The following SLC71A2 variants were observed in gnomAD, a reference collection of about 807,000 sequenced individuals.
SLC71A2 encodes the protein solute carrier family 71 member 2.
the SLC71A2 span, among the ~76,000 whole-genome samples, chr9:94,396,535 T>G: frequency 6.6e-6 from 1 of 151,974 alleles, no homozygotes. Flanking sequence ...TAAAGTAAAA[T>G]GAAAACAAAG....
chr9:94,397,441 CATG>C, the SLC71A2 span, among the ~76,000 whole-genome samples: 1 of 150,160 alleles, frequency 6.7e-6, no homozygotes, highest in Non-Finnish European at 1.5e-5. Flanking sequence ...AATTACCAGG[CATG>C]GTGGTGTGTG....
At chr9:94,453,148 C>CTTTTTTTTTTTTTTTTTTTTT in the SLC71A2 span, among the ~76,000 whole-genome samples, 1 of 124,778 alleles carries the variant, frequency 8.0e-6, no homozygotes, top group Non-Finnish European at 1.6e-5. Flanking sequence ...ACTCAGCCAT[C>CTTTTTTTTTTTTTTTTTTTTT]TTTTTTTTTT....
At chr9:94,385,361 T>G in the SLC71A2 span, among the ~76,000 whole-genome samples, 1 of 152,250 alleles carries the variant, frequency 6.6e-6, no homozygotes, top group Non-Finnish European at 1.5e-5. Flanking sequence ...TTTATAGTTT[T>G]AAGTCTAATG....
At chr9:94,444,987 T>C in the SLC71A2 span, 6 of 1,614,080 alleles carry the variant, frequency 3.7e-6, no homozygotes, top group Non-Finnish European at 4.2e-6. Context: ...TTGCGGCTAG[T>C]CTTGTCAGCA....
At chr9:94,403,685 C>T in the SLC71A2 span, among the ~76,000 whole-genome samples, 4 of 151,768 alleles carry the variant, frequency 2.6e-5, no homozygotes, top group Middle Eastern at 3.2e-3. Context: ...AATAGATAGC[C>T]AAAAGTGGAA....
chr9:94,400,248 CAG>C, the SLC71A2 span, among the ~76,000 whole-genome samples: 3 of 152,028 alleles, frequency 2.0e-5, no homozygotes, highest in Admixed American at 2.0e-4. Flanking sequence ...GTGAGGAAAA[CAG>C]CAATTAGGAA....
chr9:94,448,111 C>T, the SLC71A2 span, among the ~76,000 whole-genome samples: 11 of 148,480 alleles, frequency 7.4e-5, no homozygotes, highest in Non-Finnish European at 1.3e-4. Context: ...ATGTTTTAAT[C>T]TTTAATAATA....
At chr9:94,456,205 CCTG>C in the SLC71A2 span, 1 of 1,529,848 alleles carries the variant, frequency 6.5e-7, no homozygotes, top group South Asian at 1.1e-5. Flanking sequence ...TTGAGGTTGA[CCTG>C]CTGCCTGACT....
chr9:94,374,995 C>G, the SLC71A2 span: 1 of 1,116,714 alleles, frequency 9.0e-7, no homozygotes, highest in Non-Finnish European at 1.1e-6. Flanking sequence ...ACCCAGGGCC[C>G]GCGAGCCCGC....
At chr9:94,378,194 A>T in the SLC71A2 span, among the ~76,000 whole-genome samples, 1 of 151,268 alleles carries the variant, frequency 6.6e-6, no homozygotes, top group Non-Finnish European at 1.5e-5. Context: ...AGAATACCTG[A>T]GACTGGGGAA....
the SLC71A2 span, among the ~76,000 whole-genome samples, chr9:94,436,102 T>A: frequency 0.51 from 77,224 of 152,042 alleles, 19,820 homozygotes; most frequent in Admixed American, 0.6. Flanking sequence ...TGTAAATAGT[T>A]GTTACACTGT....
At chr9:94,450,507 T>TTTTTTTTTTTTTTTTTTTTTTA in the SLC71A2 span, among the ~76,000 whole-genome samples, 1 of 137,220 alleles carries the variant, frequency 7.3e-6, no homozygotes, top group Admixed American at 7.3e-5. Flanking sequence ...TTTTTTTTTT[T>TTTTTTTTTTTTTTTTTTTTTTA]GAGATGGAGT....
the SLC71A2 span, among the ~76,000 whole-genome samples, chr9:94,444,729 G>A: frequency 6.6e-6 from 1 of 152,166 alleles, no homozygotes; most frequent in East Asian, 1.9e-4. Context: ...AATAGTTTAT[G>A]AACACATTCT....
chr9:94,374,431 T>C, the SLC71A2 span: 1 of 152,104 alleles, frequency 6.6e-6, no homozygotes, highest in African/African-American at 2.4e-5. Context: ...GTGGCGTCGC[T>C]GGAGGCTACT....
the SLC71A2 span, among the ~76,000 whole-genome samples, chr9:94,385,452 A>G: frequency 6.6e-6 from 1 of 152,218 alleles, no homozygotes; most frequent in Non-Finnish European, 1.5e-5. Context: ...TTTTAGCGTC[A>G]TATATAAGAA....
chr9:94,379,861 C>T, the SLC71A2 span, among the ~76,000 whole-genome samples: 1 of 152,294 alleles, frequency 6.6e-6, no homozygotes, highest in South Asian at 2.1e-4. Context: ...GGTAAAAGTG[C>T]ATACAACCTC....
the SLC71A2 span, among the ~76,000 whole-genome samples, chr9:94,378,688 A>C: frequency 6.6e-6 from 1 of 152,204 alleles, no homozygotes; most frequent in Non-Finnish European, 1.5e-5. Flanking sequence ...AGGACACCAA[A>C]CAATTGAGAA....
the SLC71A2 span, among the ~76,000 whole-genome samples, chr9:94,439,022 G>GTTTTTTTTTTT: frequency 1.6e-3 from 184 of 115,662 alleles, 13 homozygotes; most frequent in Middle Eastern, 5.4e-3. Context: ...ATTTGAGTTC[G>GTTTTTTTTTTT]TTTTTTTTTT....
At chr9:94,443,948 ATTCT>A in the SLC71A2 span, among the ~76,000 whole-genome samples, 1 of 152,210 alleles carries the variant, frequency 6.6e-6, no homozygotes, top group Non-Finnish European at 1.5e-5. Context: ...AATTTTCCAC[ATTCT>A]TTTTTCCCCT....
Sources: allele counts gnomAD v4.1 joint callset (sites outside exome capture counted in the v4.1 genomes callset), GRCh38; gene constraint gnomAD v4.1.1; transcripts MANE v1.5; gene names NCBI Gene and HGNC (gene_info 2026-07-23, HGNC 2026-07-21).